NRXN1: variants seen among roughly 807,000 people sequenced by gnomAD.
The protein encoded by NRXN1 is neurexin 1, also known as neurexin-1.
A neutral mutation model predicts 150.9 loss-of-function variants in NRXN1; 39 were observed. That is an observed-to-expected ratio of 0.26 (90% CI 0.20 to 0.34). The LOEUF (loss-of-function observed/expected upper bound fraction) is 0.34, where lower values mean the gene tolerates loss of function less well. Ranked by LOEUF, NRXN1 falls within the 10% of genes least tolerant of loss-of-function variation. NRXN1 has a pLI of 1.00. For synonymous variants in NRXN1, 924 were observed against 757.0 expected (o/e 1.22, Z -3.62); for missense variants, 1,815 against 1,949.9 (o/e 0.93, Z 1.30).
At chr2:50,571,717 C>T (rs927588787) in intron 8 of NRXN1, among the ~76,000 whole-genome samples, 8 of 151,720 alleles carry the variant, frequency 5.3e-5, no homozygotes, top group African/African-American at 1.9e-4. Context: ...GCCTAGGAAC[C>T]ATAGAGTATA....
intron 5 of NRXN1, among the ~76,000 whole-genome samples, chr2:50,814,976 T>C (rs1668719231): frequency 1.3e-5 from 2 of 152,122 alleles, no homozygotes; most frequent in Admixed American, 6.6e-5. Flanking sequence ...AGGAGCTATA[T>C]AGAGAATTCT....
chr2:50,333,103 A>G (rs2076936211), intron 17 of NRXN1, among the ~76,000 whole-genome samples: 1 of 152,130 alleles, frequency 6.6e-6, no homozygotes, highest in African/African-American at 2.4e-5. Flanking sequence ...TCTTTCCCAG[A>G]ATCCCTGCAG....
intron 5 of NRXN1, among the ~76,000 whole-genome samples, chr2:50,848,947 T>C (rs899546145): frequency 3.3e-5 from 5 of 152,146 alleles, no homozygotes; most frequent in African/African-American, 1.2e-4. Context: ...CGAAAGCAGG[T>C]CCCAGGCGAT....
chr2:50,606,506 T>C (rs1677146421), intron 8 of NRXN1, among the ~76,000 whole-genome samples: 1 of 151,430 alleles, frequency 6.6e-6, no homozygotes, highest in African/African-American at 2.4e-5. Flanking sequence ...AAGAATAAAT[T>C]CTAGAGATCT....
chr2:50,019,371 G>A (rs919258142), intron 21 of NRXN1: 10 of 469,246 alleles, frequency 2.1e-5, no homozygotes, highest in Admixed American at 1.6e-4. Flanking sequence ...CGGGCTGGGC[G>A]CGGTGGCTCA....
intron 5 of NRXN1, among the ~76,000 whole-genome samples, chr2:50,811,920 G>T (rs542423598): frequency 6.6e-6 from 1 of 152,062 alleles, no homozygotes; most frequent in Non-Finnish European, 1.5e-5. Context: ...TATTATGTAA[G>T]ATTTTGGTAC....
chr2:50,820,815 T>A (rs559426623), intron 5 of NRXN1, among the ~76,000 whole-genome samples: 1 of 152,246 alleles, frequency 6.6e-6, no homozygotes, highest in East Asian at 1.9e-4. Context: ...CAATTTCACT[T>A]GTCAAGCAAT....
intron 21 of NRXN1, among the ~76,000 whole-genome samples, chr2:50,030,675 C>T (rs1053563654): frequency 2.0e-5 from 3 of 152,088 alleles, no homozygotes; most frequent in Non-Finnish European, 2.9e-5. Flanking sequence ...TGACAGGAAA[C>T]ATTCATAGAG....
intron 17 of NRXN1, among the ~76,000 whole-genome samples, chr2:50,444,557 A>G (rs2104474984): frequency 6.6e-6 from 1 of 152,280 alleles, no homozygotes; most frequent in South Asian, 2.1e-4. Flanking sequence ...GTGTCTGCCT[A>G]TCGGACCTTT....
At chr2:50,542,492 A>T (rs2093413857) in intron 9 of NRXN1, among the ~76,000 whole-genome samples, 1 of 152,244 alleles carries the variant, frequency 6.6e-6, no homozygotes, top group African/African-American at 2.4e-5. Flanking sequence ...CAGACATCAT[A>T]GGATGAAGAA....
At chr2:50,526,733 C>T (rs1262410183) in intron 12 of NRXN1, 2 of 152,190 alleles carry the variant, frequency 1.3e-5, no homozygotes, top group Non-Finnish European at 2.9e-5. Context: ...TTTCCAGTGA[C>T]TGCTGTCAAG....
chr2:50,544,447 A>T (rs2093451648), intron 9 of NRXN1, among the ~76,000 whole-genome samples: 1 of 152,072 alleles, frequency 6.6e-6, no homozygotes, highest in East Asian at 1.9e-4. Flanking sequence ...CTGTATTTGA[A>T]AACAAAACAA....
At chr2:50,836,753 T>C (rs1368401730) in intron 5 of NRXN1, among the ~76,000 whole-genome samples, 1 of 151,854 alleles carries the variant, frequency 6.6e-6, no homozygotes, top group Non-Finnish European at 1.5e-5. Context: ...CATGTAATCT[T>C]GACCTAAGTT....
At chr2:50,013,127 A>T (rs1030887240) in intron 21 of NRXN1, among the ~76,000 whole-genome samples, 2 of 152,156 alleles carry the variant, frequency 1.3e-5, no homozygotes, top group African/African-American at 4.8e-5. Flanking sequence ...TTTCATGTCC[A>T]ATAAAGTATT....
intron 5 of NRXN1, among the ~76,000 whole-genome samples, chr2:50,839,410 A>T (rs950715967): frequency 1.3e-5 from 2 of 152,082 alleles, no homozygotes; most frequent in Admixed American, 6.6e-5. Flanking sequence ...TTAAATAGTC[A>T]TTTTCTCATA....
At chr2:50,524,609 A>C (rs1314976046) in intron 12 of NRXN1, among the ~76,000 whole-genome samples, 3 of 152,030 alleles carry the variant, frequency 2.0e-5, no homozygotes, top group African/African-American at 7.2e-5. Context: ...AAACAAAAAG[A>C]ATAGAAAGCA....
chr2:50,214,879 T>C (rs2063289863), intron 18 of NRXN1, among the ~76,000 whole-genome samples: 1 of 152,020 alleles, frequency 6.6e-6, no homozygotes, highest in Non-Finnish European at 1.5e-5. Context: ...ATAAGGTGGA[T>C]AGGAAAGTAT....
At chr2:50,461,891 G>A (rs2088263696) in intron 17 of NRXN1, among the ~76,000 whole-genome samples, 1 of 151,926 alleles carries the variant, frequency 6.6e-6, no homozygotes, top group Non-Finnish European at 1.5e-5. Context: ...CATTTTCCAG[G>A]TGGGGAAATT....
chr2:50,679,624 C>G (rs1017116165), intron 5 of NRXN1, among the ~76,000 whole-genome samples: 7 of 151,768 alleles, frequency 4.6e-5, no homozygotes, highest in African/African-American at 1.7e-4. Flanking sequence ...AAAATAAATT[C>G]CCTTACTGGA....
Sources: allele counts gnomAD v4.1 joint callset (sites outside exome capture counted in the v4.1 genomes callset), GRCh38; gene constraint gnomAD v4.1.1; transcripts MANE v1.5; gene names NCBI Gene and HGNC (gene_info 2026-07-23, HGNC 2026-07-21).